Variants in ARID1B observed in about 807,000 individuals in gnomAD.
ARID1B encodes the protein AT-rich interactive domain-containing protein 1B.
ARID1B carries 30 observed loss-of-function variants against 212.3 expected under a neutral mutation model. The ratio of observed to expected loss-of-function variants is 0.14; its 90% CI spans 0.11 to 0.19. The LOEUF is 0.19. Ranked by LOEUF, ARID1B falls within the 10% of genes least tolerant of loss-of-function variation. The pLI is 1.00. For synonymous variants in ARID1B, 1,402 were observed against 1,301.7 expected, an observed-to-expected ratio of 1.08 and a Z score of -1.66; for missense variants, 2,891 against 3,204.0, an observed-to-expected ratio of 0.90 and a Z score of 2.36.
intron 1 of ARID1B, among the ~76,000 whole-genome samples, chr6:156,823,445 T>G (rs1254227708): frequency 6.6e-6 from 1 of 152,206 alleles, no homozygotes; most frequent in Non-Finnish European, 1.5e-5. Context: ...CCCTACTTCC[T>G]TGCTGGGCAG....
At chr6:156,926,870 C>T (rs1791261799) in intron 3 of ARID1B, among the ~76,000 whole-genome samples, 1 of 152,034 alleles carries the variant, frequency 6.6e-6, no homozygotes, top group Non-Finnish European at 1.5e-5. Flanking sequence ...TTAGTAGAGA[C>T]AGGGTTTCAC....
intron 3 of ARID1B, among the ~76,000 whole-genome samples, chr6:156,933,209 G>A (rs1301157209): frequency 1.3e-5 from 2 of 152,150 alleles, no homozygotes; most frequent in East Asian, 3.9e-4. Flanking sequence ...GGACTTTTGA[G>A]CCTGTTACTA....
intron 4 of ARID1B, among the ~76,000 whole-genome samples, chr6:156,991,524 G>A (rs543704888): frequency 2.0e-5 from 3 of 152,236 alleles, no homozygotes; most frequent in African/African-American, 7.2e-5. Flanking sequence ...GAGCCACTGC[G>A]CCTGGCACAT....
In ARID1B at chr6:157,180,172, G is replaced by A. The variant is rs369652336; in HGVS notation, c.3505-797G>A. 3.3e-5 allele frequency among the ~76,000 whole-genome samples: 5 copies of A among 152,302 alleles called. No individual in the cohort carries two copies. In the South Asian group the frequency reaches 1.0e-3, roughly 32 times the overall value. ...TAAAAGTGTTACCTGTCCAGATTAT[G>A]TAATCCACGGAGTAGGCTTCAGGTG... On this transcript the variant is annotated intron_variant, in intron 11 of 19. Transcript: ENST00000636930.
chr6:156,965,994 A>C (rs1274980889), intron 4 of ARID1B, among the ~76,000 whole-genome samples: 1 of 152,210 alleles, frequency 6.6e-6, no homozygotes, highest in Non-Finnish European at 1.5e-5. Flanking sequence ...AAGTACCAGC[A>C]CAACCACATG....
intron 3 of ARID1B, among the ~76,000 whole-genome samples, chr6:156,905,204 A>G (rs1262830802): frequency 2.6e-5 from 4 of 151,928 alleles, no homozygotes; most frequent in Non-Finnish European, 4.4e-5. Flanking sequence ...ACTGGAATCA[A>G]TAGAATAGAA....
chr6:156,778,207 ACCACCACCATGCCCACCACCT>A lies in ARID1B; in HGVS notation c.537_557del (p.Ala180_His186del), dbSNP rs1352743717. The A allele has an allele frequency of 1.6e-5, 25 of 1,537,360 alleles. No individual in the cohort carries two copies. Among genetic ancestry groups the A allele is most frequent in the East Asian group, 2.5e-5 (1 of 40,728 alleles). On this transcript the variant is annotated inframe_deletion, in exon 1 of 20. Coordinates refer to ENST00000636930, the MANE Select transcript of ARID1B (RefSeq NM_001374828.1). ...CACCACCACCACCATGCCCACCACC[ACCACCACCATGCCCACCACCT>A]CCACCACCACCACGCACTACAGCAG...
chr6:157,073,954 G>T (rs1289791255), intron 4 of ARID1B, among the ~76,000 whole-genome samples: 1 of 152,168 alleles, frequency 6.6e-6, no homozygotes, highest in East Asian at 1.9e-4. Context: ...GGCCGGTAGG[G>T]TTTGACTGTG....
chr6:156,835,376 G>A, intron 2 of ARID1B, among the ~76,000 whole-genome samples: 1 of 152,048 alleles, frequency 6.6e-6, no homozygotes, highest in East Asian at 1.9e-4. Context: ...TGATATGTTA[G>A]AAGAGATCAT....
chr6:156,871,286 G>A (rs1786107699), intron 2 of ARID1B, among the ~76,000 whole-genome samples: 1 of 152,224 alleles, frequency 6.6e-6, no homozygotes, highest in South Asian at 2.1e-4. Context: ...AGCTAGTACA[G>A]TGCCTGGCAT....
chr6:156,862,502 C>T (rs1184182835), intron 2 of ARID1B, among the ~76,000 whole-genome samples: 2 of 152,180 alleles, frequency 1.3e-5, no homozygotes, highest in African/African-American at 4.8e-5. Flanking sequence ...AGAAAAAAAC[C>T]AGAAAAGAGC....
At chr6:157,125,706 TTTGAG>T (rs1430800198) in intron 6 of ARID1B, among the ~76,000 whole-genome samples, 1 of 152,228 alleles carries the variant, frequency 6.6e-6, no homozygotes, top group Admixed American at 6.5e-5. Flanking sequence ...ACACACTGAC[TTTGAG>T]TTATTTGTCA....
intron 4 of ARID1B, among the ~76,000 whole-genome samples, chr6:157,075,125 G>T (rs1389203290): frequency 6.9e-6 from 1 of 145,218 alleles, no homozygotes; most frequent in Non-Finnish European, 1.5e-5. Context: ...AGCACTTGAG[G>T]TATTAAGTGA....
intron 2 of ARID1B, among the ~76,000 whole-genome samples, chr6:156,862,481 A>T (rs1291289494): frequency 6.6e-6 from 1 of 152,216 alleles, no homozygotes; most frequent in Admixed American, 6.5e-5. Context: ...AGACGAAGGC[A>T]GAACAGTAAG....
intron 2 of ARID1B, among the ~76,000 whole-genome samples, chr6:156,867,258 A>G (rs767094632): frequency 4.6e-5 from 7 of 152,216 alleles, no homozygotes; most frequent in Non-Finnish European, 8.8e-5. Flanking sequence ...GATGGTGCAA[A>G]CACCATAGGC....
At chr6:157,074,444 C>T (rs925038088) in intron 4 of ARID1B, among the ~76,000 whole-genome samples, 8 of 152,114 alleles carry the variant, frequency 5.3e-5, no homozygotes, top group African/African-American at 1.9e-4. Context: ...AGGCTGATCT[C>T]GAACTCCCGA....
intron 4 of ARID1B, among the ~76,000 whole-genome samples, chr6:156,987,689 T>G (rs1291445697): frequency 1.3e-5 from 2 of 152,266 alleles, no homozygotes; most frequent in Non-Finnish European, 2.9e-5. Flanking sequence ...TTGAATTTCC[T>G]TAGCTTGTGG....
chr6:156,929,941 A>G (rs763648448), intron 3 of ARID1B, among the ~76,000 whole-genome samples: 2 of 151,342 alleles, frequency 1.3e-5, no homozygotes, highest in Admixed American at 6.6e-5. Context: ...CTGTCTACCT[A>G]TCTTCCCACT....
chr6:157,116,514 C>G (rs888382445), intron 6 of ARID1B, among the ~76,000 whole-genome samples: 6 of 148,360 alleles, frequency 4.0e-5, no homozygotes, highest in Non-Finnish European at 8.9e-5. Context: ...CTAGTGTAAT[C>G]CCATAGTATT....
Sources: gnomAD v4.1 joint callset for allele counts (sites outside exome capture counted in the v4.1 genomes callset) on GRCh38, gnomAD v4.1.1 for gene constraint, MANE v1.5 for transcripts, NCBI Gene and HGNC (gene_info 2026-07-23, HGNC 2026-07-21) for gene names.